Variants in TNPO1 observed in about 807,000 individuals in gnomAD.
The protein encoded by TNPO1 is transportin-1.
TNPO1 carries 8 observed loss-of-function variants against 119.5 expected under a neutral mutation model. The ratio of observed to expected loss-of-function variants is 0.07; its 90% CI spans 0.04 to 0.12. The LOEUF (loss-of-function observed/expected upper bound fraction) is 0.12, where lower values mean the gene tolerates loss of function less well. Ranked by LOEUF, TNPO1 falls within the 10% of genes least tolerant of loss-of-function variation. The pLI is 1.00. For missense variants in TNPO1, 576 were observed against 1,089.8 expected, an observed-to-expected ratio of 0.53 and a Z score of 6.64; for synonymous variants, 362 against 363.0, an observed-to-expected ratio of 1.00 and a Z score of 0.03.
intron 21 of TNPO1, 82 bp downstream of exon 21, chr5:72,900,163 T>G: frequency 7.8e-7 from 1 of 1,285,570 alleles, no homozygotes; most frequent in Admixed American, 1.8e-5. Flanking sequence ...ATATTTTCAG[T>G]TGGTTACAAA....
chr5:72,857,382 A>C (rs967760669), intron 4 of TNPO1, among the ~76,000 whole-genome samples: 1 of 152,136 alleles, frequency 6.6e-6, no homozygotes, highest in African/African-American at 2.4e-5. Context: ...TTACTTACAA[A>C]GCATTGGCTC....
chr5:72,906,054 TC>T lies in TNPO1; in HGVS notation c.*35+611del, dbSNP rs1750119858. Among the ~76,000 whole-genome samples the T allele has an allele frequency of 4.6e-5, 7 of 152,212 alleles. No individual in the cohort carries two copies. In the South Asian group the frequency reaches 1.4e-3, roughly 32 times the overall value. ...GATTTCTCAACATTGCTTCAACTAT[TC>T]CTTTTTTCTTTCTTTTTTCCTGCAA... On this transcript the variant is annotated intron_variant, in intron 24 of 24. Coordinates refer to ENST00000337273, the MANE Select transcript of TNPO1 (RefSeq NM_002270.4).
chr5:72,902,233 C>T (rs528542481), intron 22 of TNPO1, among the ~76,000 whole-genome samples: 6 of 152,194 alleles, frequency 3.9e-5, no homozygotes, highest in Admixed American at 1.3e-4. Context: ...CTTTCCACTC[C>T]GAGAGGGGTG....
At chr5:72,852,045 C>T (rs575141735) in intron 3 of TNPO1, among the ~76,000 whole-genome samples, 76 of 152,104 alleles carry the variant, frequency 5.0e-4, no homozygotes, top group Non-Finnish European at 9.6e-4. Flanking sequence ...TATTGTTGAT[C>T]TCTTCAATTA....
chr5:72,886,402 G>A (rs266448), intron 11 of TNPO1, among the ~76,000 whole-genome samples: 125,150 of 152,102 alleles, frequency 0.82, 51,723 homozygotes, highest in Non-Finnish European at 0.86. Context: ...TGTTTTTTGC[G>A]TGATTGTAAC....
intron 21 of TNPO1, among the ~76,000 whole-genome samples, 173 bp downstream of exon 21, chr5:72,900,254 T>C (rs914693674): frequency 1.3e-5 from 2 of 152,234 alleles, no homozygotes; most frequent in African/African-American, 2.4e-5. Context: ...AGCATCGTCA[T>C]GTATATTTAT....
rs151074680 is a variant in TNPO1, at chr5:72,841,007, G to C, written c.16-7378G>C. Among the ~76,000 whole-genome samples, 615 of 152,128 alleles carry C rather than the reference G, an allele frequency of 4.0e-3. 7 individuals are homozygous for C. Among genetic ancestry groups the C allele is most frequent in the African/African-American group, 0.014 (585 of 41,506 alleles). On this transcript the variant is annotated intron_variant, in intron 1 of 24. Coordinates refer to ENST00000337273, the MANE Select transcript of TNPO1 (RefSeq NM_002270.4). ...CTGTGTAACATGAGTTATGGTCCCT[G>C]TCCTTCTAATCTAGTTGAGCTCATT...
At chr5:72,841,617 G>C (rs919585457) in intron 1 of TNPO1, among the ~76,000 whole-genome samples, 1 of 152,110 alleles carries the variant, frequency 6.6e-6, no homozygotes, top group Non-Finnish European at 1.5e-5. Context: ...GGGATTACAG[G>C]AATGAGCCAC....
At chr5:72,904,989 C>G (rs1750042448) in intron 23 of TNPO1, among the ~76,000 whole-genome samples, 1 of 152,146 alleles carries the variant, frequency 6.6e-6, no homozygotes, top group Admixed American at 6.5e-5. Flanking sequence ...ATCAAACCGT[C>G]AGATCTCATG....
At chr5:72,887,868 A>G (rs1006531918) in intron 12 of TNPO1, among the ~76,000 whole-genome samples, 1 of 152,200 alleles carries the variant, frequency 6.6e-6, no homozygotes, top group African/African-American at 2.4e-5. Context: ...GTAAACATCT[A>G]TTAGAAGAAA....
At chr5:72,822,386 G>A (rs1400021664) in intron 1 of TNPO1, among the ~76,000 whole-genome samples, 1 of 151,792 alleles carries the variant, frequency 6.6e-6, no homozygotes, top group Non-Finnish European at 1.5e-5. Flanking sequence ...GTATTGAGAA[G>A]GTTGTAGGGA....
chr5:72,882,521 A>T lies in TNPO1; in HGVS notation c.975A>T (p.Leu325=), dbSNP rs761760408. Reference sequence around the variant, plus strand: ...AGTACTCAGACATAGATATTATCCTACTTAAGGTAAGGAAGCTTTTTTGAT... The same window carrying T: ...AGTACTCAGACATAGATATTATCCTTCTTAAGGTAAGGAAGCTTTTTTGAT... ...GMKYSDIDII[L]LKGDVEEDET... is the part of the protein sequence containing the mutation. Residue 325 remains leucine (L), a synonymous_variant, in exon 10 of 25, where the codon CTA becomes CTT. Transcript: ENST00000337273. The T allele has an allele frequency of 6.2e-7, 1 of 1,608,088 alleles. No homozygotes were observed. The highest frequency in any genetic ancestry group is 8.5e-7 in the Non-Finnish European group (1 of 1,176,986).
intron 1 of TNPO1, among the ~76,000 whole-genome samples, chr5:72,817,133 G>A (rs1743729907): frequency 6.6e-6 from 1 of 152,224 alleles, no homozygotes; most frequent in Non-Finnish European, 1.5e-5. Flanking sequence ...CGGGACGGCT[G>A]CCTTTCACTG....
chr5:72,878,969 G>C, intron 9 of TNPO1: 1 of 489,044 alleles, frequency 2.0e-6, no homozygotes, highest in Non-Finnish European at 4.2e-6. Flanking sequence ...CTGTTTCCAT[G>C]GGCCCAGATT....
intron 12 of TNPO1, 97 bp from the exon 13 acceptor site, chr5:72,887,981 T>A (rs1748777170): frequency 6.0e-6 from 7 of 1,165,882 alleles, no homozygotes; most frequent in Non-Finnish European, 8.6e-6. Flanking sequence ...AGTAGAAATA[T>A]TCTGAATTTT....
intron 1 of TNPO1, among the ~76,000 whole-genome samples, chr5:72,831,337 A>G (rs1403485619): frequency 6.6e-6 from 1 of 151,788 alleles, no homozygotes; most frequent in African/African-American, 2.4e-5. Flanking sequence ...TGTTTGAGCT[A>G]TATATATTGT....
chr5:72,826,130 T>C (rs1315996892), intron 1 of TNPO1, among the ~76,000 whole-genome samples: 1 of 152,094 alleles, frequency 6.6e-6, no homozygotes, highest in Non-Finnish European at 1.5e-5. Flanking sequence ...TGGACTTACC[T>C]CCCAGTCTTT....
chr5:72,889,097 G>A lies in TNPO1; in HGVS notation c.1530-689G>A, dbSNP rs547180532. Among the ~76,000 whole-genome samples, 141 of 152,078 alleles carry A rather than the reference G, an allele frequency of 9.3e-4. 1 individual carries two copies. Among genetic ancestry groups the A allele is most frequent in the Middle Eastern group, 3.4e-3 (1 of 294 alleles). On this transcript the variant is annotated intron_variant, in intron 13 of 24. Transcript: ENST00000337273. Reference sequence around the variant, plus strand: ...TTTTTAGATGGAGTCTTGCTCTGTCGCCCAGGCTGGAGTGCAGTGGTGTGA... The same window carrying A: ...TTTTTAGATGGAGTCTTGCTCTGTCACCCAGGCTGGAGTGCAGTGGTGTGA...
intron 9 of TNPO1, among the ~76,000 whole-genome samples, chr5:72,880,816 C>CA (rs35726893): frequency 0.058 from 5,868 of 101,070 alleles, 464 homozygotes; most frequent in African/African-American, 0.18. Flanking sequence ...GACTCCATCT[C>CA]AAAAAAAAAA....
Sources: gnomAD v4.1 joint callset for allele counts (sites outside exome capture counted in the v4.1 genomes callset) on GRCh38, gnomAD v4.1.1 for gene constraint, MANE v1.5 for transcripts, NCBI Gene and HGNC (gene_info 2026-07-23, HGNC 2026-07-21) for gene names.